The following TSPAN33 variants were observed in gnomAD, a reference collection of about 807,000 sequenced individuals.
TSPAN33 encodes the protein tetraspanin-33.
TSPAN33 carries 27 observed loss-of-function variants against 34.8 expected under a neutral mutation model. That is an observed-to-expected ratio of 0.78 (90% CI 0.57 to 1.07). The LOEUF (loss-of-function observed/expected upper bound fraction) is 1.07, where lower values mean the gene tolerates loss of function less well. Among genes scored for constraint, TSPAN33 ranks in the 50% least tolerant of loss-of-function variants. TSPAN33 has a pLI of 0.00. For synonymous variants in TSPAN33, 119 were observed against 124.2 expected (o/e 0.96, Z 0.28); for missense variants, 272 against 324.9 (o/e 0.84, Z 1.25).
rs1380725528 is a variant in TSPAN33, at chr7:129,169,208, C to T, written c.*1334C>T. ...AGGCCCTCTCTTCCCCTACCCGGGC[C>T]CTCCAGGACCTTCTCCCTGAGTCGG... On this transcript the variant is annotated 3_prime_UTR_variant, in exon 8 of 8. Coordinates refer to ENST00000486685, the MANE Select transcript of TSPAN33 (RefSeq NM_178562.5). Among the ~76,000 whole-genome samples the T allele has an allele frequency of 6.6e-6, 1 of 152,206 alleles. No individual in the cohort carries two copies.
At position 129,169,449 on chromosome 7, in the gene TSPAN33, A is replaced by C. The variant is rs1178601767; in HGVS notation, c.*1575A>C. 6.6e-6 allele frequency: 1 copy of C among 152,256 alleles called. No homozygotes were observed. Among genetic ancestry groups the C allele is most frequent in the African/African-American group, 2.4e-5 (1 of 41,448 alleles). The allele number at this position is 152,256 out of a possible 1,614,324, so 9.4% of individuals were successfully genotyped here. On this transcript the variant is annotated 3_prime_UTR_variant, in exon 8 of 8. Coordinates refer to ENST00000486685, the MANE Select transcript of TSPAN33 (RefSeq NM_178562.5). ...CTGCTTGCCCAGCGAGTGTTCCCGGAGTCTCCTCGCCGCACCCCGCTATCG... is the reference window on the plus strand; with the variant it reads ...CTGCTTGCCCAGCGAGTGTTCCCGGCGTCTCCTCGCCGCACCCCGCTATCG...
At chr7:129,163,330 TTTC>T (rs1232992993) in intron 4 of TSPAN33, among the ~76,000 whole-genome samples, 17 of 98,374 alleles carry the variant, frequency 1.7e-4, no homozygotes, top group Admixed American at 4.5e-4. Flanking sequence ...TTTTTCTTTC[TTTC>T]TTTTTTTTTT....
chr7:129,163,530 G>T (rs143344522), intron 4 of TSPAN33, among the ~76,000 whole-genome samples: 2 of 152,188 alleles, frequency 1.3e-5, no homozygotes, highest in East Asian at 3.9e-4. Context: ...TCTGGAAATG[G>T]TCTGCCATTC....
Position 129,147,722 on chromosome 7 carries a change from T to C in TSPAN33, c.102+2640T>C, listed in dbSNP as rs556054957. Among the ~76,000 whole-genome samples, 254 of 152,332 alleles carry C rather than the reference T, an allele frequency of 1.7e-3. 4 individuals are homozygous for C. The highest frequency in any genetic ancestry group is 0.016 in the Admixed American group (251 of 15,302). On this transcript the variant is annotated intron_variant, in intron 1 of 7. Coordinates refer to ENST00000486685, the MANE Select transcript of TSPAN33 (RefSeq NM_178562.5). ...TGGAGCTGCCGCATGGCAGTGGTTA[T>C]TGTGTCTGTGCCTGGAACCCACTAG...
At chr7:129,149,226 C>T (rs964808682) in intron 1 of TSPAN33, among the ~76,000 whole-genome samples, 1 of 152,104 alleles carries the variant, frequency 6.6e-6, no homozygotes, top group African/African-American at 2.4e-5. Flanking sequence ...TTGCCCTGTA[C>T]CAAGTAGAAA....
intron 1 of TSPAN33, among the ~76,000 whole-genome samples, chr7:129,154,064 G>A (rs1288611750): frequency 6.6e-6 from 1 of 152,158 alleles, no homozygotes; most frequent in Non-Finnish European, 1.5e-5. Context: ...AAGCATGGTG[G>A]CTCATGCCTG....
intron 1 of TSPAN33, among the ~76,000 whole-genome samples, chr7:129,161,384 A>G (rs139056731): frequency 1.1e-3 from 161 of 152,368 alleles, no homozygotes; most frequent in African/African-American, 3.6e-3. Flanking sequence ...ACTCTTCAGT[A>G]TTAACCTTGG....
intron 1 of TSPAN33, among the ~76,000 whole-genome samples, chr7:129,159,864 C>G (rs1793023234): frequency 6.6e-6 from 1 of 152,144 alleles, no homozygotes; most frequent in Non-Finnish European, 1.5e-5. Flanking sequence ...GAGGCATGGT[C>G]AAATGATGTG....
intron 1 of TSPAN33, among the ~76,000 whole-genome samples, chr7:129,149,571 A>G (rs974461630): frequency 1.2e-4 from 18 of 152,232 alleles, no homozygotes; most frequent in African/African-American, 4.1e-4. Context: ...AAGAAAAAAG[A>G]AAACATAGAG....
At chr7:129,153,072 A>G (rs969767040) in intron 1 of TSPAN33, among the ~76,000 whole-genome samples, 3 of 151,338 alleles carry the variant, frequency 2.0e-5, no homozygotes, top group Non-Finnish European at 2.9e-5. Flanking sequence ...AAAAAAAAAA[A>G]AAAAAAAAAA....
chr7:129,152,655 C>T lies in TSPAN33; in HGVS notation c.102+7573C>T, dbSNP rs1029729081. Among the ~76,000 whole-genome samples the T allele has an allele frequency of 3.9e-5, 6 of 152,172 alleles. No individual in the cohort carries two copies. In the East Asian group the frequency reaches 1.2e-3, roughly 29 times the overall value. Reference sequence around the variant, plus strand: ...TGAGCTGAGATTGCACCACTACACTCCAGCCTGGGTGACAGAGTGAGACTC... The same window carrying T: ...TGAGCTGAGATTGCACCACTACACTTCAGCCTGGGTGACAGAGTGAGACTC... On this transcript the variant is annotated intron_variant, in intron 1 of 7. Coordinates refer to ENST00000486685, the MANE Select transcript of TSPAN33 (RefSeq NM_178562.5).
rs1206217685 is a variant in TSPAN33 at position 129,167,569 on chromosome 7, C to G, written c.750+9C>G. ...GCCTGGCCATCCCCCAGGTAACTTA[C>G]CCTGTGAGACTTGTTGGTCCCACAC... On this transcript the variant is annotated intron_variant, in intron 7 of 7. Transcript: ENST00000486685. This position sits in a 1 kb window ranked among gnomAD's most constrained non-coding sequence, Gnocchi z 4.6. 1.2e-6 allele frequency: 2 copies of G among 1,612,278 alleles called. No individual in the cohort carries two copies. Among genetic ancestry groups the G allele is most frequent in the Non-Finnish European group, 1.7e-6 (2 of 1,178,812 alleles).
intron 1 of TSPAN33, among the ~76,000 whole-genome samples, chr7:129,158,430 T>C (rs569267324): frequency 6.6e-6 from 1 of 152,236 alleles, no homozygotes; most frequent in Non-Finnish European, 1.5e-5. Context: ...ACTTTTATTT[T>C]AGGTTCAGAG....
At chr7:129,150,212 C>T (rs965276422) in intron 1 of TSPAN33, among the ~76,000 whole-genome samples, 1 of 152,226 alleles carries the variant, frequency 6.6e-6, no homozygotes, top group Non-Finnish European at 1.5e-5. Flanking sequence ...GGAAGACAGA[C>T]AAGGCTAGGG....
At chr7:129,160,888 A>G (rs533402280) in intron 1 of TSPAN33, among the ~76,000 whole-genome samples, 1 of 152,344 alleles carries the variant, frequency 6.6e-6, no homozygotes, top group African/African-American at 2.4e-5. Context: ...ATTAATAATG[A>G]TAGATAATAT....
At chr7:129,156,953 C>T (rs949065522) in intron 1 of TSPAN33, among the ~76,000 whole-genome samples, 2 of 152,216 alleles carry the variant, frequency 1.3e-5, no homozygotes, top group African/African-American at 4.8e-5. Context: ...TTGCTAAAAG[C>T]TAGACTCAGC....
intron 1 of TSPAN33, among the ~76,000 whole-genome samples, chr7:129,157,094 T>C (rs1810674038): frequency 6.6e-6 from 1 of 152,188 alleles, no homozygotes; most frequent in Admixed American, 6.5e-5. Context: ...TCATTCATGA[T>C]ATTGTGAGGT....
chr7:129,148,720 T>C lies in TSPAN33; in HGVS notation c.102+3638T>C, dbSNP rs1379351340. ...CTCAGAGCCACACGTACTTACTGCC[T>C]ACAGCATCTGGATTTTCTCACTTCC... is the stretch of plus-strand genomic sequence containing the variant. On this transcript the variant is annotated intron_variant, in intron 1 of 7. Transcript: ENST00000486685. The surrounding 1 kb of genome is among the most constrained non-coding windows in gnomAD (Gnocchi z 4.2). 6.6e-6 allele frequency among the ~76,000 whole-genome samples: 1 copy of C among 152,186 alleles called. No individual in the cohort carries two copies. The highest frequency in any genetic ancestry group is 2.4e-5 in the African/African-American group (1 of 41,448).
rs112887064 is a variant in TSPAN33, at chr7:129,167,992, G to A, written c.*118G>A. The A allele has an allele frequency of 2.0e-5, 29 of 1,482,130 alleles. No individual in the cohort carries two copies. Among genetic ancestry groups the A allele is most frequent in the African/African-American group, 8.4e-5 (6 of 71,554 alleles). The allele number at this position is 1,482,130 out of a possible 1,614,324, so 91.8% of individuals were successfully genotyped here. ...ATTCCAGCCCCCCAGTGACAGCCCA[G>A]TGGGAAGAAGCAAACTCCAGATGGG... On this transcript the variant is annotated 3_prime_UTR_variant, in exon 8 of 8. Coordinates refer to ENST00000486685, the MANE Select transcript of TSPAN33 (RefSeq NM_178562.5). This position sits in a 1 kb window ranked among gnomAD's most constrained non-coding sequence, Gnocchi z 4.6.
Sources: gnomAD v4.1 joint callset for allele counts (sites outside exome capture counted in the v4.1 genomes callset) on GRCh38, gnomAD v4.1.1 for gene constraint, Gnocchi (gnomAD v3.1) non-coding constraint, MANE v1.5 for transcripts, NCBI Gene and HGNC (gene_info 2026-07-23, HGNC 2026-07-21) for gene names.